Variants in RAD51 observed in about 807,000 individuals in gnomAD.
RAD51 encodes DNA repair protein RAD51 homolog 1.
In RAD51, 14 loss-of-function variants were observed where a neutral mutation model predicts 41.5. The ratio of observed to expected loss-of-function variants is 0.34; its 90% CI spans 0.22 to 0.53. The LOEUF (loss-of-function observed/expected upper bound fraction) is 0.53. Among genes scored for constraint, RAD51 ranks in the 20% least tolerant of loss-of-function variants. The probability of loss-of-function intolerance (pLI) is 0.95; values close to 1 mark genes in which losing one functional copy is unlikely to be tolerated. For synonymous variants in RAD51, 136 were observed against 148.6 expected (o/e 0.92, Z 0.62); for missense variants, 234 against 422.0 (o/e 0.55, Z 3.90).
At chr15:40,730,048 T>A in intron 9 of RAD51, 74 bp downstream of exon 9, 1 of 1,571,906 alleles carries the variant, frequency 6.4e-7, no homozygotes, top group South Asian at 1.1e-5. Flanking sequence ...ATATAACATT[T>A]TCATTTAAGC....
rs972434829 is a variant in RAD51, at chr15:40,730,124, T to G, written c.896+150T>G. On this transcript the variant is annotated intron_variant, in intron 9 of 9. Transcript: ENST00000267868. Reference sequence around the variant, plus strand: ...GCTAATCTAATTAACATGCTCTCGTTGGTATAGATGTTTTAGTTCATAAAA... The same window carrying G: ...GCTAATCTAATTAACATGCTCTCGTGGGTATAGATGTTTTAGTTCATAAAA... 5.0e-5 allele frequency: 58 copies of G among 1,167,166 alleles called. No individual in the cohort carries two copies. The Middle Eastern group carries it at 1.2e-3, about 25-fold the overall frequency. 72.3% of individuals were successfully genotyped at this position (1,167,166 alleles called of 1,614,324 possible).
Position 40,731,390 on chromosome 15 carries a change from G to A in RAD51, c.*212G>A. On this transcript the variant is annotated 3_prime_UTR_variant, in exon 10 of 10. Coordinates refer to ENST00000267868, the MANE Select transcript of RAD51 (RefSeq NM_002875.5). ...CTAAAATGTTTATTCCTTCTGTAGTGTATTAATCTCTGTGTGTTTTCTTTG... is the reference window on the plus strand; with the variant it reads ...CTAAAATGTTTATTCCTTCTGTAGTATATTAATCTCTGTGTGTTTTCTTTG... 3.4e-6 allele frequency: 2 copies of A among 586,888 alleles called. No homozygotes were observed. Among genetic ancestry groups the A allele is most frequent in the Non-Finnish European group, 5.9e-6 (2 of 339,682 alleles). The allele number at this position is 586,888 out of a possible 1,614,324, so 36.4% of individuals were successfully genotyped here. A position where few individuals can be genotyped will look rare whatever the true frequency, so the allele number is the denominator to read the frequency against.
chr15:40,729,341 C>A (rs534109647), intron 7 of RAD51, among the ~76,000 whole-genome samples, 164 bp from the exon 8 acceptor site: 3 of 142,760 alleles, frequency 2.1e-5, no homozygotes, highest in Non-Finnish European at 4.5e-5. Context: ...CCACTGCACT[C>A]CAGCCTGGGC....
chr15:40,708,554 T>G (rs1472662996), intron 4 of RAD51, among the ~76,000 whole-genome samples: 1 of 151,494 alleles, frequency 6.6e-6, no homozygotes, highest in Non-Finnish European at 1.5e-5. Context: ...ATAAATCTAA[T>G]TATTTCAAAA....
intron 7 of RAD51, among the ~76,000 whole-genome samples, chr15:40,729,147 T>C (rs1269960557): frequency 1.3e-5 from 2 of 151,760 alleles, no homozygotes; most frequent in East Asian, 1.9e-4. Flanking sequence ...CCAAGGCGGG[T>C]GGATCACAAG....
At chr15:40,715,354 C>CA (rs533136927) in intron 5 of RAD51, among the ~76,000 whole-genome samples, 54 of 102,496 alleles carry the variant, frequency 5.3e-4, no homozygotes, top group African/African-American at 1.1e-3. Context: ...GATTCTGTCT[C>CA]AAAAAAAAAC....
At chr15:40,708,916 A>G (rs1595991247) in intron 4 of RAD51, 109 bp from the exon 5 acceptor site, 1 of 1,046,560 alleles carries the variant, frequency 9.6e-7, no homozygotes, top group Non-Finnish European at 1.5e-6. Flanking sequence ...TGGAAATTGA[A>G]TTTTTAACTT....
At chr15:40,722,415 G>A (rs1292649144) in intron 6 of RAD51, among the ~76,000 whole-genome samples, 1 of 146,876 alleles carries the variant, frequency 6.8e-6, no homozygotes, top group African/African-American at 2.6e-5. Flanking sequence ...CTCTGGCTCG[G>A]GGAAAAAAAA....
At chr15:40,701,611 T>A (rs1311201276) in intron 3 of RAD51, among the ~76,000 whole-genome samples, 1 of 151,706 alleles carries the variant, frequency 6.6e-6, no homozygotes, top group Non-Finnish European at 1.5e-5. Context: ...ATTATAGGTG[T>A]GAGCTACTGT....
intron 6 of RAD51, among the ~76,000 whole-genome samples, chr15:40,721,923 A>G (rs551424541): frequency 1.2e-3 from 185 of 152,302 alleles, no homozygotes; most frequent in Non-Finnish European, 1.7e-3. Context: ...AAATAACCCA[A>G]TGTCCATTGA....
At position 40,706,310 on chromosome 15, in the gene RAD51, A is replaced by G; in HGVS notation, c.343+16A>G. On this transcript the variant is annotated intron_variant, in intron 4 of 9. Transcript: ENST00000267868. The stretch of plus-strand genomic sequence containing the variant: ...CTACTTCAAGGTGTAGTAATCCTTT[A>G]TCCTGTGTTGTGAACTCTAGTTAGG... 6.4e-7 allele frequency: 1 copy of G among 1,569,446 alleles called. No homozygotes were observed. The highest frequency in any genetic ancestry group is 1.1e-5 in the South Asian group (1 of 90,180).
intron 6 of RAD51, among the ~76,000 whole-genome samples, chr15:40,721,884 C>T (rs1017320193): frequency 3.9e-5 from 6 of 152,172 alleles, no homozygotes; most frequent in African/African-American, 1.4e-4. Flanking sequence ...CAGCGATGTT[C>T]ATAGCAGCAT....
rs536857881 is a variant in RAD51 at position 40,701,277 on chromosome 15, C to T, written c.225+76C>T. On this transcript the variant is annotated intron_variant, in intron 3 of 9. Coordinates refer to ENST00000267868, the MANE Select transcript of RAD51 (RefSeq NM_002875.5). ...AGGGAATGTAGTGAAAGACTTCTTC[C>T]TTCTATCTCTTATTCTTCGGTCATC... 31 of 1,495,374 alleles carry T rather than the reference C, an allele frequency of 2.1e-5. No individual in the cohort carries two copies. In the South Asian group the frequency reaches 2.2e-4, roughly 10 times the overall value. 92.6% of individuals were successfully genotyped at this position (1,495,374 alleles called of 1,614,324 possible).
chr15:40,725,048 C>T (rs889349491), intron 6 of RAD51, among the ~76,000 whole-genome samples: 38 of 151,354 alleles, frequency 2.5e-4, no homozygotes, highest in African/African-American at 6.6e-4. Context: ...TACAGGCGCC[C>T]GCCACCGCGC....
chr15:40,730,076 T>A, intron 9 of RAD51, 102 bp downstream of exon 9: 1 of 1,468,492 alleles, frequency 6.8e-7, no homozygotes, highest in Non-Finnish European at 9.4e-7. Flanking sequence ...AAGCTACTGT[T>A]GTATAGACAC....
At chr15:40,706,978 A>G (rs1311025490) in intron 4 of RAD51, among the ~76,000 whole-genome samples, 6 of 151,900 alleles carry the variant, frequency 3.9e-5, no homozygotes, top group African/African-American at 9.7e-5. Flanking sequence ...AGGGAAAACT[A>G]TAAAGCTTTT....
chr15:40,700,105 C>T (rs1212724663), intron 2 of RAD51, among the ~76,000 whole-genome samples: 1 of 152,176 alleles, frequency 6.6e-6, no homozygotes, highest in Non-Finnish European at 1.5e-5. Flanking sequence ...ATATTAATAG[C>T]AGACATGGCT....
In RAD51 at chr15:40,731,281, A is replaced by C. The variant is rs1413147014; in HGVS notation, c.*103A>C. 5.3e-6 allele frequency: 8 copies of C among 1,508,080 alleles called. No homozygotes were observed. The African/African-American group carries it at 1.1e-4, about 21-fold the overall frequency. 93.4% of individuals were successfully genotyped at this position (1,508,080 alleles called of 1,614,324 possible). A position where few individuals can be genotyped will look rare whatever the true frequency, so the allele number is the denominator to read the frequency against. On this transcript the variant is annotated 3_prime_UTR_variant, in exon 10 of 10. Coordinates refer to ENST00000267868, the MANE Select transcript of RAD51 (RefSeq NM_002875.5). Reference sequence around the variant, plus strand: ...CAGGCCTCTTCCTGTTGTGACTGCCAGGATAAAGCTTCCGGGAAAACAGCT... The same window carrying C: ...CAGGCCTCTTCCTGTTGTGACTGCCCGGATAAAGCTTCCGGGAAAACAGCT...
intron 6 of RAD51, among the ~76,000 whole-genome samples, chr15:40,725,884 G>C (rs1467046827): frequency 2.0e-5 from 3 of 152,060 alleles, no homozygotes; most frequent in Non-Finnish European, 2.9e-5. Context: ...TACTCGGGAG[G>C]CTGAGGCAGG....
Sources: allele counts gnomAD v4.1 joint callset (sites outside exome capture counted in the v4.1 genomes callset), GRCh38; gene constraint gnomAD v4.1.1; transcripts MANE v1.5; gene names NCBI Gene and HGNC (gene_info 2026-07-23, HGNC 2026-07-21).